Variants in KCNAB1 observed in about 807,000 individuals in gnomAD.
KCNAB1 encodes the protein voltage-gated potassium channel subunit beta-1.
In KCNAB1, 35 loss-of-function variants were observed where a neutral mutation model predicts 64.6. The ratio of observed to expected loss-of-function variants is 0.54; its 90% CI spans 0.41 to 0.72. The LOEUF (loss-of-function observed/expected upper bound fraction) is 0.72. Ranked by LOEUF, KCNAB1 falls within the 30% of genes least tolerant of loss-of-function variation. The pLI, the probability that KCNAB1 is intolerant of heterozygous loss-of-function variation, is 0.00. For synonymous variants in KCNAB1, 177 were observed against 183.8 expected (o/e 0.96, Z 0.30); for missense variants, 401 against 512.9 (o/e 0.78, Z 2.11).
At chr3:156,429,950 A>G (rs555998560) in intron 2 of KCNAB1, among the ~76,000 whole-genome samples, 1 of 152,354 alleles carries the variant, frequency 6.6e-6, no homozygotes, top group Admixed American at 6.5e-5. Context: ...CTCTTTCTGG[A>G]AAGTCTAACT....
intron 1 of KCNAB1, among the ~76,000 whole-genome samples, chr3:156,208,991 G>A (rs1175713655): frequency 2.0e-5 from 3 of 152,134 alleles, no homozygotes; most frequent in Non-Finnish European, 2.9e-5. Flanking sequence ...TTCCAGCCCC[G>A]CTTTAATGGA....
At chr3:156,481,675 T>G (rs770093839) in intron 8 of KCNAB1, among the ~76,000 whole-genome samples, 15 of 152,096 alleles carry the variant, frequency 9.9e-5, no homozygotes, top group Admixed American at 2.6e-4. Flanking sequence ...ATGTTTCTGT[T>G]CATAGTGGAC....
intron 1 of KCNAB1, among the ~76,000 whole-genome samples, chr3:156,341,058 T>C (rs1194210640): frequency 6.6e-6 from 1 of 152,228 alleles, no homozygotes; most frequent in African/African-American, 2.4e-5. Context: ...TGGAGCATAT[T>C]TTTACATTTA....
intron 1 of KCNAB1, among the ~76,000 whole-genome samples, chr3:156,328,237 T>C (rs1489302680): frequency 6.6e-6 from 1 of 152,122 alleles, no homozygotes; most frequent in East Asian, 1.9e-4. Context: ...AAGTAGATCA[T>C]GAAGGGCTTG....
chr3:156,284,244 C>T (rs974686999), intron 1 of KCNAB1, among the ~76,000 whole-genome samples: 1 of 152,208 alleles, frequency 6.6e-6, no homozygotes, highest in Admixed American at 6.5e-5. Context: ...TGTCAGTGTG[C>T]CCCTGCTGGG....
At chr3:156,405,815 AAG>A (rs1483290624) in intron 1 of KCNAB1, among the ~76,000 whole-genome samples, 1 of 152,214 alleles carries the variant, frequency 6.6e-6, no homozygotes, top group Non-Finnish European at 1.5e-5. Flanking sequence ...CCTATTACTG[AAG>A]AGTTTTCTTC....
Position 156,374,513 on chromosome 3 carries a change from C to T in KCNAB1, c.276-47103C>T, listed in dbSNP as rs545541054. 5.9e-5 allele frequency among the ~76,000 whole-genome samples: 8 copies of T among 135,324 alleles called. 2 individuals are homozygous for T. In the South Asian group the frequency reaches 1.8e-3, roughly 30 times the overall value. 88.8% of individuals were successfully genotyped at this position (135,324 alleles called of 152,430 possible). A position where few individuals can be genotyped will look rare whatever the true frequency, so the allele number is the denominator to read the frequency against. ...GTCAAACATTATTTTTTAGAAGGTA[C>T]ACCAATATTGAGGCTTAATTCCTAG... On this transcript the variant is annotated intron_variant, in intron 1 of 13. Coordinates refer to ENST00000490337, the MANE Select transcript of KCNAB1 (RefSeq NM_172160.3).
rs1033844396 is a variant in KCNAB1, at chr3:156,300,744, A to T, written c.276-120872A>T. Among the ~76,000 whole-genome samples, 12 of 152,348 alleles carry T rather than the reference A, an allele frequency of 7.9e-5. No homozygotes were observed. The East Asian group carries it at 9.6e-4, about 12-fold the overall frequency. On this transcript the variant is annotated intron_variant, in intron 1 of 13. Coordinates refer to ENST00000490337, the MANE Select transcript of KCNAB1 (RefSeq NM_172160.3). ...ACTATGCTGACACATAGCAATTCTT[A>T]TGAGATATCAACTCGAAAAATTATA...
At chr3:156,395,278 G>A (rs1713344061) in intron 1 of KCNAB1, among the ~76,000 whole-genome samples, 1 of 151,956 alleles carries the variant, frequency 6.6e-6, no homozygotes, top group African/African-American at 2.4e-5. Flanking sequence ...GGGCGCGGTG[G>A]CTCACGCCTG....
chr3:156,118,332 A>G, upstream of KCNAB1: 1 of 455,720 alleles, frequency 2.2e-6, no homozygotes, highest in Non-Finnish European at 4.4e-6. Context: ...CAGCAAGGCA[A>G]TGTTAAGGTA....
chr3:156,144,253 T>TGACTCGTCCTCCTAGATAAATGCGC, intron 1 of KCNAB1, among the ~76,000 whole-genome samples: 1 of 152,204 alleles, frequency 6.6e-6, no homozygotes. Flanking sequence ...TTGTCCTAGC[T>TGACTCGTCCTCCTAGATAAATGCGC]CATATCAAAA....
chr3:156,391,732 C>A lies in KCNAB1; in HGVS notation c.276-29884C>A, dbSNP rs370181847. Among the ~76,000 whole-genome samples, 6 of 152,212 alleles carry A rather than the reference C, an allele frequency of 3.9e-5. No homozygotes were observed. In the East Asian group the frequency reaches 1.2e-3, roughly 29 times the overall value. On this transcript the variant is annotated intron_variant, in intron 1 of 13. Transcript: ENST00000490337. ...GTTCCAGACCTGCTTGAGACATTGACCAGGCAAACATTTTTACTTCACATC... is the reference window on the plus strand; with the variant it reads ...GTTCCAGACCTGCTTGAGACATTGAACAGGCAAACATTTTTACTTCACATC...
chr3:156,458,621 T>G (rs1712640287), intron 4 of KCNAB1, among the ~76,000 whole-genome samples: 1 of 152,198 alleles, frequency 6.6e-6, no homozygotes, highest in African/African-American at 2.4e-5. Context: ...GCTCACATTC[T>G]TGATGCTTTC....
At chr3:156,498,875 T>C (rs1716188888) in intron 8 of KCNAB1, among the ~76,000 whole-genome samples, 1 of 152,198 alleles carries the variant, frequency 6.6e-6, no homozygotes, top group African/African-American at 2.4e-5. Flanking sequence ...CTTTGAAGAA[T>C]TGTAACAGGG....
chr3:156,377,979 G>A (rs1711823407), intron 1 of KCNAB1, among the ~76,000 whole-genome samples: 1 of 152,110 alleles, frequency 6.6e-6, no homozygotes, highest in South Asian at 2.1e-4. Context: ...GAGGTGCTAT[G>A]GAAGGTGTGG....
At chr3:156,394,915 G>C (rs1365113387) in intron 1 of KCNAB1, among the ~76,000 whole-genome samples, 2 of 152,190 alleles carry the variant, frequency 1.3e-5, no homozygotes, top group African/African-American at 2.4e-5. Flanking sequence ...ATTGAAAGCA[G>C]CTCATTGCAA....
chr3:156,502,208 G>T lies in KCNAB1; in HGVS notation c.659-12156G>T, dbSNP rs78649485. On this transcript the variant is annotated intron_variant, in intron 8 of 13. Coordinates refer to ENST00000490337, the MANE Select transcript of KCNAB1 (RefSeq NM_172160.3). ...TATAAAATATATAAGAAAGGGTAAT[G>T]GGCCAAGAAGAGCCAAATGACTCCT... Among the ~76,000 whole-genome samples the T allele has an allele frequency of 1.0e-3, 154 of 152,172 alleles. 1 individual carries two copies. The East Asian group carries it at 0.027, about 27-fold the overall frequency.
chr3:156,519,875 G>A (rs1717823669), intron 11 of KCNAB1, among the ~76,000 whole-genome samples: 1 of 152,204 alleles, frequency 6.6e-6, no homozygotes, highest in African/African-American at 2.4e-5. Context: ...ACAAGCTTAG[G>A]TCATGTGCCA....
At chr3:156,289,908 C>A (rs532238046) in intron 1 of KCNAB1, among the ~76,000 whole-genome samples, 21 of 152,114 alleles carry the variant, frequency 1.4e-4, no homozygotes, top group African/African-American at 4.8e-4. Flanking sequence ...AACCTGGCAA[C>A]CCCTGGGATC....
Sources: gnomAD v4.1 joint callset for allele counts (sites outside exome capture counted in the v4.1 genomes callset) on GRCh38, gnomAD v4.1.1 for gene constraint, MANE v1.5 for transcripts, NCBI Gene and HGNC (gene_info 2026-07-23, HGNC 2026-07-21) for gene names.